Variants in MYO3B observed in about 807,000 individuals in gnomAD.
The protein encoded by MYO3B is myosin-IIIb.
In MYO3B, 156 loss-of-function variants were observed where a neutral mutation model predicts 174.6. That is an observed-to-expected ratio of 0.89 (90% confidence interval 0.78 to 1.02). The LOEUF (loss-of-function observed/expected upper bound fraction) is 1.02. Ranked by LOEUF, MYO3B falls within the 50% of genes least tolerant of loss-of-function variation. The probability of loss-of-function intolerance (pLI) is 0.00; values close to 1 mark genes in which losing one functional copy is unlikely to be tolerated. For missense variants in MYO3B, 1,632 were observed against 1,639.4 expected, an observed-to-expected ratio of 1.00 and a Z score of 0.08; for synonymous variants, 563 against 569.1, an observed-to-expected ratio of 0.99 and a Z score of 0.15.
Position 170,214,765 on chromosome 2 carries a change from C to A in MYO3B, c.463C>A (p.Arg155Ser), listed in dbSNP as rs377640353. 1 of 1,614,136 alleles carries A rather than the reference C, an allele frequency of 6.2e-7. No homozygotes were observed. Among genetic ancestry groups the A allele is most frequent in the Non-Finnish European group, 8.5e-7 (1 of 1,180,008 alleles). Reference protein sequence around the residue: ...QHLHNNRIIHRDVKGNNILLT... With the variant: ...QHLHNNRIIHSDVKGNNILLT... ...TTTGCACAACAACCGAATCATCCACCGTGATGTGAAGGGGAATAACATTCT... is the reference window on the plus strand; with the variant it reads ...TTTGCACAACAACCGAATCATCCACAGTGATGTGAAGGGGAATAACATTCT... Residue 155 changes from arginine (R) to serine (S), a missense_variant, in exon 5 of 35, where the codon CGT becomes AGT. Transcript: ENST00000408978.
intron 32 of MYO3B, among the ~76,000 whole-genome samples, chr2:170,563,147 TACAC>T (rs1191919984): frequency 8.5e-6 from 1 of 117,944 alleles, no homozygotes; most frequent in Non-Finnish European, 1.7e-5. Context: ...CACACACACA[TACAC>T]ACACACACCC....
chr2:170,582,124 G>A lies in MYO3B; in HGVS notation c.3733+38136G>A, dbSNP rs924957144. 7.2e-5 allele frequency among the ~76,000 whole-genome samples: 11 copies of A among 152,332 alleles called. No individual in the cohort carries two copies. The South Asian group carries it at 1.2e-3, about 17-fold the overall frequency. On this transcript the variant is annotated intron_variant, in intron 32 of 34. Transcript: ENST00000408978. The stretch of plus-strand genomic sequence containing the variant: ...TCTGCAAGGGCAAAGATTCTTTCAT[G>A]CAACATAACTTCGTGAAGAAGTAGT...
At chr2:170,497,440 CTCTG>C (rs1203201090) in intron 25 of MYO3B, among the ~76,000 whole-genome samples, 1 of 91,410 alleles carries the variant, frequency 1.1e-5, no homozygotes, top group South Asian at 2.9e-4. Flanking sequence ...CATGGTGAAA[CTCTG>C]TCTGTACTAA....
chr2:170,626,870 T>C (rs767807276), intron 32 of MYO3B, among the ~76,000 whole-genome samples: 1 of 152,228 alleles, frequency 6.6e-6, no homozygotes, highest in Non-Finnish European at 1.5e-5. Flanking sequence ...ATGTTGAATA[T>C]GGGCCCCCAC....
chr2:170,425,067 A>G (rs2094649936), intron 22 of MYO3B, among the ~76,000 whole-genome samples: 1 of 152,194 alleles, frequency 6.6e-6, no homozygotes, highest in African/African-American at 2.4e-5. Flanking sequence ...ATCTTTTTAT[A>G]ATGAGGCTTT....
At chr2:170,389,724 C>T (rs2094399060) in intron 14 of MYO3B, among the ~76,000 whole-genome samples, 1 of 152,180 alleles carries the variant, frequency 6.6e-6, no homozygotes, top group South Asian at 2.1e-4. Context: ...GTTCCTGTCT[C>T]AGTGAAGGGT....
intron 7 of MYO3B, among the ~76,000 whole-genome samples, chr2:170,259,217 A>G (rs1021484094): frequency 2.6e-5 from 4 of 152,166 alleles, no homozygotes; most frequent in African/African-American, 9.7e-5. Context: ...AAACTATTCT[A>G]ACATTTATAT....
At chr2:170,201,354 T>C (rs972554030) in intron 3 of MYO3B, among the ~76,000 whole-genome samples, 1 of 152,206 alleles carries the variant, frequency 6.6e-6, no homozygotes, top group Admixed American at 6.5e-5. Context: ...TGAGGTCACG[T>C]AGGTGACCCA....
At chr2:170,356,097 A>G (rs1244890972) in intron 8 of MYO3B, among the ~76,000 whole-genome samples, 1 of 151,778 alleles carries the variant, frequency 6.6e-6, no homozygotes, top group Non-Finnish European at 1.5e-5. Flanking sequence ...AGTAGCTGGG[A>G]CTACAGGTGC....
At chr2:170,614,370 T>A (rs16858880) in intron 32 of MYO3B, among the ~76,000 whole-genome samples, 30,776 of 152,062 alleles carry the variant, frequency 0.2, 3,498 homozygotes, top group East Asian at 0.33. Context: ...CATCATTGTC[T>A]GCAGACTATC....
chr2:170,503,809 A>G (rs1464612180), intron 28 of MYO3B, among the ~76,000 whole-genome samples: 2 of 152,160 alleles, frequency 1.3e-5, no homozygotes, highest in East Asian at 3.8e-4. Flanking sequence ...CCCTCTTAGA[A>G]GTAGTGTGGC....
intron 32 of MYO3B, among the ~76,000 whole-genome samples, chr2:170,573,177 T>C (rs1692552718): frequency 6.6e-6 from 1 of 151,148 alleles, no homozygotes; most frequent in South Asian, 2.1e-4. Flanking sequence ...ACACCTAGTA[T>C]ACATATATAT....
chr2:170,570,748 G>T (rs1480453756), intron 32 of MYO3B, among the ~76,000 whole-genome samples: 1 of 150,824 alleles, frequency 6.6e-6, no homozygotes, highest in Non-Finnish European at 1.5e-5. Flanking sequence ...CGTTATTCTG[G>T]CCTTGTTTTT....
At chr2:170,221,761 C>T (rs1005192723) in intron 6 of MYO3B, among the ~76,000 whole-genome samples, 1 of 152,054 alleles carries the variant, frequency 6.6e-6, no homozygotes, top group Non-Finnish European at 1.5e-5. Flanking sequence ...AAGATGGGGT[C>T]TTACCATGTT....
chr2:170,187,403 C>G (rs2092479466), intron 1 of MYO3B, among the ~76,000 whole-genome samples: 1 of 151,704 alleles, frequency 6.6e-6, no homozygotes. Flanking sequence ...TGGCTAATTT[C>G]TGTATTTTAG....
intron 22 of MYO3B, among the ~76,000 whole-genome samples, chr2:170,430,906 A>G (rs1016832217): frequency 6.6e-6 from 1 of 152,162 alleles, no homozygotes; most frequent in Non-Finnish European, 1.5e-5. Flanking sequence ...AGACAGCATT[A>G]AAGCCATGTT....
Position 170,461,619 on chromosome 2 carries a change from T to C in MYO3B, c.2731-1749T>C, listed in dbSNP as rs147502789. On this transcript the variant is annotated intron_variant, in intron 23 of 34. Transcript: ENST00000408978. ...GGTAAAACCTCATCTCTACCAAAAA[T>C]ACAAAAATTAGCTGGGTGTGGTGGC... Among the ~76,000 whole-genome samples, 544 of 147,660 alleles carry C rather than the reference T, an allele frequency of 3.7e-3. 3 individuals are homozygous for C. The highest frequency in any genetic ancestry group is 0.019 in the South Asian group (88 of 4,612).
At position 170,562,957 on chromosome 2, in the gene MYO3B, T is replaced by G. The variant is rs145352987; in HGVS notation, c.3733+18969T>G. The stretch of plus-strand genomic sequence containing the variant: ...ATGGCCTTTCCTCAAATCCTTCTTA[T>G]AATTTTAGCTTCCCTACTTCCCCAT... On this transcript the variant is annotated intron_variant, in intron 32 of 34. Transcript: ENST00000408978. Among the ~76,000 whole-genome samples, 969 of 152,036 alleles carry G rather than the reference T, an allele frequency of 6.4e-3. 6 individuals are homozygous for G. Among genetic ancestry groups the G allele is most frequent in the Non-Finnish European group, 8.4e-3 (569 of 67,974 alleles).
intron 9 of MYO3B, among the ~76,000 whole-genome samples, chr2:170,378,702 A>C (rs146666778): frequency 6.6e-6 from 1 of 152,326 alleles, no homozygotes; most frequent in Non-Finnish European, 1.5e-5. Flanking sequence ...ATTCACACTG[A>C]AAATTAAAAC....
Sources: allele counts gnomAD v4.1 joint callset (sites outside exome capture counted in the v4.1 genomes callset), GRCh38; gene constraint gnomAD v4.1.1; transcripts MANE v1.5; gene names NCBI Gene and HGNC (gene_info 2026-07-23, HGNC 2026-07-21).